Variants in GNG12 observed in about 807,000 individuals in gnomAD.
GNG12 encodes G protein subunit gamma 12.
For synonymous variants in GNG12, 28 were observed against 29.7 expected (o/e 0.94, Z 0.19); for missense variants, 69 against 83.8 (o/e 0.82, Z 0.69).
Position 67,780,229 on chromosome 1 carries a change from T to C in GNG12, c.-76-2722A>G, listed in dbSNP as rs910086664. Among the ~76,000 whole-genome samples, 3 of 152,156 alleles carry C rather than the reference T, an allele frequency of 2.0e-5. No individual in the cohort carries two copies. In the East Asian group the frequency reaches 5.8e-4, roughly 29 times the overall value. ...GAGGAAGGTTCTTTTCATTATTCCA[T>C]TTAGTAGGACAGCAAATTGAGGCAC... On this transcript the variant is annotated intron_variant, in intron 1 of 3. Coordinates refer to ENST00000370982, the MANE Select transcript of GNG12 (RefSeq NM_018841.6).
intron 2 of GNG12, among the ~76,000 whole-genome samples, chr1:67,750,418 T>C (rs981572596): frequency 6.6e-6 from 1 of 152,214 alleles, no homozygotes; most frequent in Non-Finnish European, 1.5e-5. Context: ...AGTTCTCAGG[T>C]TGCTTTGTAT....
intron 2 of GNG12, among the ~76,000 whole-genome samples, chr1:67,751,184 GACACACACAC>G (rs3835466): frequency 5.0e-5 from 7 of 140,794 alleles, no homozygotes; most frequent in South Asian, 2.5e-4. Context: ...TACACATACA[GACACACACAC>G]ACACACACAC....
At chr1:67,773,373 C>T (rs1646685777) in intron 2 of GNG12, among the ~76,000 whole-genome samples, 1 of 152,180 alleles carries the variant, frequency 6.6e-6, no homozygotes, top group Non-Finnish European at 1.5e-5. Context: ...CACTCCTGCT[C>T]ACCTTCCCTA....
intron 2 of GNG12, among the ~76,000 whole-genome samples, chr1:67,721,295 T>C (rs555936660): frequency 4.6e-5 from 7 of 152,096 alleles, no homozygotes; most frequent in African/African-American, 1.7e-4. Context: ...AGCCCCAGAG[T>C]GGAGTGACTC....
chr1:67,707,704 AC>A lies in GNG12; in HGVS notation c.-19del. ...CTGGACATCTTCAATTATTGTTTTTACCTGAAATCTGAGGAGAATTTTTTTT... is the reference window on the plus strand; with the variant it reads ...CTGGACATCTTCAATTATTGTTTTTACTGAAATCTGAGGAGAATTTTTTTT... On this transcript the variant is annotated 5_prime_UTR_variant, in exon 3 of 4. Coordinates refer to ENST00000370982, the MANE Select transcript of GNG12 (RefSeq NM_018841.6). 1 of 1,561,632 alleles carries A rather than the reference AC, an allele frequency of 6.4e-7. No individual in the cohort carries two copies. The highest frequency in any genetic ancestry group is 8.7e-7 in the Non-Finnish European group (1 of 1,153,362).
At chr1:67,787,149 T>C (rs1200249923) in intron 1 of GNG12, among the ~76,000 whole-genome samples, 1 of 151,268 alleles carries the variant, frequency 6.6e-6, no homozygotes, top group Non-Finnish European at 1.5e-5. Context: ...TGGCACATAA[T>C]CTAATCGCAG....
At chr1:67,743,524 C>T (rs750819576) in intron 2 of GNG12, among the ~76,000 whole-genome samples, 3 of 152,118 alleles carry the variant, frequency 2.0e-5, no homozygotes, top group Non-Finnish European at 4.4e-5. Context: ...TAGATAAAGA[C>T]CGTGACAGGC....
At chr1:67,748,125 G>C (rs962563032) in intron 2 of GNG12, among the ~76,000 whole-genome samples, 1 of 152,164 alleles carries the variant, frequency 6.6e-6, no homozygotes, top group Non-Finnish European at 1.5e-5. Context: ...GGGAGAGAAA[G>C]GCAGAGGGCA....
intron 2 of GNG12, among the ~76,000 whole-genome samples, chr1:67,763,090 G>GGAGAAAGAGAGAGA (rs1646615106): frequency 8.6e-6 from 1 of 116,724 alleles, no homozygotes; most frequent in African/African-American, 3.2e-5. Flanking sequence ...TACCCTCCCA[G>GGAGAAAGAGAGAGA]GAGAGAGAGA....
intron 2 of GNG12, among the ~76,000 whole-genome samples, chr1:67,738,706 G>C (rs1646465828): frequency 6.6e-6 from 1 of 152,206 alleles, no homozygotes. Context: ...CACAGAACCT[G>C]TCACTACAAA....
intron 2 of GNG12, among the ~76,000 whole-genome samples, chr1:67,726,164 G>GT (rs1272276668): frequency 6.6e-6 from 1 of 152,186 alleles, no homozygotes; most frequent in Admixed American, 6.5e-5. Context: ...TGGTATATCA[G>GT]TAACTGACCA....
intron 2 of GNG12, among the ~76,000 whole-genome samples, chr1:67,774,818 A>G (rs1646694876): frequency 6.6e-6 from 1 of 152,242 alleles, no homozygotes; most frequent in Non-Finnish European, 1.5e-5. Context: ...AAGGACAGGT[A>G]CATTTTAACC....
intron 1 of GNG12, among the ~76,000 whole-genome samples, chr1:67,792,508 C>T (rs1646807426): frequency 6.6e-6 from 1 of 152,176 alleles, no homozygotes; most frequent in African/African-American, 2.4e-5. Flanking sequence ...TATAAAACCT[C>T]ATGGCTACAT....
intron 1 of GNG12, among the ~76,000 whole-genome samples, chr1:67,826,305 T>C (rs185598395): frequency 1.6e-4 from 25 of 152,358 alleles, no homozygotes; most frequent in African/African-American, 5.5e-4. Flanking sequence ...AGTTCCCTTT[T>C]CTCCTAGCAG....
chr1:67,810,568 T>C (rs148954733), intron 1 of GNG12, among the ~76,000 whole-genome samples: 139 of 152,308 alleles, frequency 9.1e-4, no homozygotes, highest in African/African-American at 3.2e-3. Flanking sequence ...AAAACTGCTA[T>C]AAAATTTAAA....
At chr1:67,814,224 T>G (rs552013883) in intron 1 of GNG12, among the ~76,000 whole-genome samples, 1 of 152,300 alleles carries the variant, frequency 6.6e-6, no homozygotes, top group Non-Finnish European at 1.5e-5. Flanking sequence ...AGCTTTCAGA[T>G]TTGTCCCTTA....
chr1:67,755,766 C>T (rs1646564112), intron 2 of GNG12, among the ~76,000 whole-genome samples: 1 of 152,064 alleles, frequency 6.6e-6, no homozygotes, highest in Non-Finnish European at 1.5e-5. Context: ...TTTAATTTGC[C>T]TCTGATGAGT....
chr1:67,807,689 T>C (rs1297347180), intron 1 of GNG12, among the ~76,000 whole-genome samples: 1 of 152,020 alleles, frequency 6.6e-6, no homozygotes, highest in Non-Finnish European at 1.5e-5. Context: ...ATGCACAATC[T>C]ATGTACACAA....
At chr1:67,784,183 G>A (rs1646754017) in intron 1 of GNG12, among the ~76,000 whole-genome samples, 1 of 150,108 alleles carries the variant, frequency 6.7e-6, no homozygotes, top group Non-Finnish European at 1.5e-5. Flanking sequence ...GGATGAAATT[G>A]GAAATCATCA....
Sources: allele counts gnomAD v4.1 joint callset (sites outside exome capture counted in the v4.1 genomes callset), GRCh38; gene constraint gnomAD v4.1.1; transcripts MANE v1.5; gene names NCBI Gene and HGNC (gene_info 2026-07-23, HGNC 2026-07-21).